TJP1: variants seen among roughly 807,000 people sequenced by gnomAD.
The protein encoded by TJP1 is tight junction protein ZO-1.
In TJP1, 43 loss-of-function variants were observed where a neutral mutation model predicts 194.2. The observed-to-expected ratio is 0.22, with a 90% confidence interval of 0.17 to 0.29. TJP1 has a LOEUF of 0.29. Among genes scored for constraint, TJP1 ranks in the 10% least tolerant of loss-of-function variants. The pLI, the probability that TJP1 is intolerant of heterozygous loss-of-function variation, is 1.00. For synonymous variants in TJP1, 801 were observed against 779.0 expected (o/e 1.03, Z -0.47); for missense variants, 1,971 against 2,185.7 (o/e 0.90, Z 1.96).
chr15:29,720,304 C>T (rs2042850254), intron 19 of TJP1, 54 bp downstream of exon 19: 1 of 1,418,850 alleles, frequency 7.0e-7, no homozygotes, highest in East Asian at 2.3e-5. Flanking sequence ...TCACCACATT[C>T]TAAAATTTAA....
At position 29,773,340 on chromosome 15, in the gene TJP1, A is replaced by G. The variant is rs2046810922; in HGVS notation, c.102T>C (p.Phe34=). The G allele has an allele frequency of 1.2e-6, 2 of 1,613,848 alleles. No homozygotes were observed. Among genetic ancestry groups the G allele is most frequent in the East Asian group, 4.5e-5 (2 of 44,874 alleles). Residue 34 remains phenylalanine (F), a synonymous_variant, in exon 3 of 28, where the codon TTT becomes TTC. Transcript: ENST00000614355. The part of the protein sequence containing the change: ...VTLHRAPGFG[F]GIAISGGRDN... ...CTCGTCCACCAGATATTGCAATTCC[A>G]AATCCAAATCCAGGAGCCTAAAGTA...
chr15:29,835,082 G>A (rs939407100), intron 2 of TJP1, among the ~76,000 whole-genome samples: 1 of 152,122 alleles, frequency 6.6e-6, no homozygotes, highest in South Asian at 2.1e-4. Context: ...GGAGAAGTGG[G>A]CTGGATGAAT....
At chr15:29,855,808 A>G (rs1220648760) in intron 2 of TJP1, among the ~76,000 whole-genome samples, 1 of 152,114 alleles carries the variant, frequency 6.6e-6, no homozygotes, top group Non-Finnish European at 1.5e-5. Flanking sequence ...GTGAGCCGAG[A>G]TAACAACACT....
intron 2 of TJP1, among the ~76,000 whole-genome samples, chr15:29,829,461 A>G (rs2050770716): frequency 6.6e-6 from 1 of 152,106 alleles, no homozygotes. Flanking sequence ...GGAGTTTCAC[A>G]TTTCTGATTC....
At chr15:29,757,858 T>C (rs574740386) in intron 8 of TJP1, among the ~76,000 whole-genome samples, 3 of 152,234 alleles carry the variant, frequency 2.0e-5, no homozygotes, top group South Asian at 2.1e-4. Context: ...ACTGTGTGGG[T>C]CCACTTACAC....
intron 2 of TJP1, among the ~76,000 whole-genome samples, chr15:29,907,510 G>T (rs1023181945): frequency 6.6e-6 from 1 of 152,138 alleles, no homozygotes; most frequent in Non-Finnish European, 1.5e-5. Context: ...GGTTATCTCT[G>T]AGCGATGAGA....
intron 2 of TJP1, among the ~76,000 whole-genome samples, chr15:29,779,318 C>G (rs1321900223): frequency 6.6e-6 from 1 of 152,196 alleles, no homozygotes; most frequent in African/African-American, 2.4e-5. Flanking sequence ...AGCTGTGTAA[C>G]TTGACTACAT....
At chr15:29,715,260 G>A (rs542832891) in intron 23 of TJP1, among the ~76,000 whole-genome samples, 76 of 152,110 alleles carry the variant, frequency 5.0e-4, no homozygotes, top group African/African-American at 1.8e-3. Context: ...CCTTTCTAGT[G>A]TTGTGCTAAG....
intron 2 of TJP1, among the ~76,000 whole-genome samples, chr15:29,873,339 T>A (rs1267869229): frequency 6.6e-6 from 1 of 152,190 alleles, no homozygotes; most frequent in Non-Finnish European, 1.5e-5. Flanking sequence ...TGATTCTGGA[T>A]ATTAGCTGTT....
At chr15:29,851,986 A>G (rs1251600578) in intron 2 of TJP1, among the ~76,000 whole-genome samples, 7 of 152,214 alleles carry the variant, frequency 4.6e-5, no homozygotes, top group African/African-American at 1.7e-4. Flanking sequence ...TTAACTCAAA[A>G]TGTATGACAC....
intron 23 of TJP1, among the ~76,000 whole-genome samples, chr15:29,714,966 AAAT>A (rs1382675355): frequency 3.3e-5 from 5 of 152,240 alleles, no homozygotes; most frequent in Non-Finnish European, 1.5e-5. Flanking sequence ...TGTTTAGTAA[AAAT>A]AATAACTAAA....
At chr15:29,734,913 T>C (rs1474700771) in intron 11 of TJP1, among the ~76,000 whole-genome samples, 2 of 152,140 alleles carry the variant, frequency 1.3e-5, no homozygotes, top group Non-Finnish European at 2.9e-5. Flanking sequence ...TAGTATTCAG[T>C]GTGTCCTGAC....
At chr15:29,821,043 T>A (rs1166701577) in intron 1 of TJP1, among the ~76,000 whole-genome samples, 2 of 152,184 alleles carry the variant, frequency 1.3e-5, no homozygotes, top group African/African-American at 4.8e-5. Flanking sequence ...AAGTAATGAA[T>A]TGATATTCTT....
intron 20 of TJP1, among the ~76,000 whole-genome samples, 190 bp downstream of exon 20, chr15:29,719,587 C>CAAATAA (rs941755084): frequency 1.3e-5 from 2 of 152,092 alleles, no homozygotes; most frequent in African/African-American, 2.4e-5. Context: ...GGCCTGTTTT[C>CAAATAA]AAATAATCAG....
chr15:29,826,683 G>A, upstream of TJP1, among the ~76,000 whole-genome samples: 1 of 152,066 alleles, frequency 6.6e-6, no homozygotes, highest in East Asian at 1.9e-4. Context: ...CTTAGCTAAT[G>A]AATTCTACCT....
chr15:29,960,529 G>C (rs1257136427), intron 1 of TJP1, among the ~76,000 whole-genome samples: 1 of 151,718 alleles, frequency 6.6e-6, no homozygotes, highest in African/African-American at 2.4e-5. Context: ...CCAACTACTT[G>C]GGACTCTGAG....
intron 1 of TJP1, chr15:29,820,551 C>T (rs2050260383): frequency 1.4e-6 from 1 of 716,766 alleles, no homozygotes; most frequent in Non-Finnish European, 2.6e-6. Flanking sequence ...CCATTGAAAA[C>T]GTATTTCTCT....
At chr15:29,939,517 C>T (rs1476777785) in intron 2 of TJP1, among the ~76,000 whole-genome samples, 2 of 152,198 alleles carry the variant, frequency 1.3e-5, no homozygotes, top group East Asian at 1.9e-4. Context: ...TGCTCCCCAA[C>T]CCCTAGCACA....
At chr15:29,892,083 G>T (rs2053329725) in intron 2 of TJP1, among the ~76,000 whole-genome samples, 1 of 152,228 alleles carries the variant, frequency 6.6e-6, no homozygotes, top group African/African-American at 2.4e-5. Context: ...AATCAGAAGT[G>T]CTACTCCAGT....
Sources: gnomAD v4.1 joint callset for allele counts (sites outside exome capture counted in the v4.1 genomes callset) on GRCh38, gnomAD v4.1.1 for gene constraint, MANE v1.5 for transcripts, NCBI Gene and HGNC (gene_info 2026-07-23, HGNC 2026-07-21) for gene names.